The following SS18L1 variants were observed in gnomAD, a reference collection of about 807,000 sequenced individuals.
SS18L1 encodes the protein calcium-responsive transactivator.
A neutral mutation model predicts 70.3 loss-of-function variants in SS18L1; 32 were observed. The ratio of observed to expected loss-of-function variants is 0.46; its 90% CI spans 0.34 to 0.61. The LOEUF is 0.61. SS18L1 is among the 20% of genes least tolerant of loss of function. The pLI is 0.01. For synonymous variants in SS18L1, 237 were observed against 229.7 expected, an observed-to-expected ratio of 1.03 and a Z score of -0.29; for missense variants, 430 against 542.1, an observed-to-expected ratio of 0.79 and a Z score of 2.05.
chr20:62,174,597 C>A lies in SS18L1; in HGVS notation c.1117C>A (p.Gln373Lys). 1 of 1,613,762 alleles carries A rather than the reference C, an allele frequency of 6.2e-7. No individual in the cohort carries two copies. Among genetic ancestry groups the A allele is most frequent in the Non-Finnish European group, 8.5e-7 (1 of 1,180,046 alleles). ...GCAGTACGGAAGCTACCGAGCACCG[C>A]AGACAGCGCCGTCTGCCCAGCAGCA... ...GQQYGSYRAP[Q>K]TAPSAQQQRP... is the part of the protein sequence containing the mutation. The change falls in exon 10 of 11, where the codon CAG (glutamine) becomes AAG (lysine). Residue 373 changes from glutamine (Q) to lysine (K), a missense_variant. By Grantham distance (53) the Gln-to-Lys change is moderately conservative (BLOSUM62 1). Transcript: ENST00000331758. The surrounding 1 kb of genome is among the most constrained non-coding windows in gnomAD (Gnocchi z 4.1).
At chr20:62,169,064 G>C (rs145984758) in intron 8 of SS18L1, among the ~76,000 whole-genome samples, 1 of 152,196 alleles carries the variant, frequency 6.6e-6, no homozygotes, top group Non-Finnish European at 1.5e-5. Flanking sequence ...GGTGCTCGGT[G>C]GGGGAGGGGC....
intron 1 of SS18L1, chr20:62,154,300 A>G (rs1259693104): frequency 2.9e-6 from 3 of 1,037,390 alleles, no homozygotes; most frequent in East Asian, 5.8e-5. Flanking sequence ...AATGCCGGCC[A>G]GTCATCGAGT....
At chr20:62,156,624 G>A (rs560958316) in intron 1 of SS18L1, among the ~76,000 whole-genome samples, 9 of 152,356 alleles carry the variant, frequency 5.9e-5, no homozygotes, top group Admixed American at 2.0e-4. Context: ...CTGTGGGTCC[G>A]GGCTCTGCCC....
chr20:62,171,711 A>G (rs1053134729), intron 8 of SS18L1, among the ~76,000 whole-genome samples: 1 of 152,218 alleles, frequency 6.6e-6, no homozygotes, highest in Non-Finnish European at 1.5e-5. Flanking sequence ...CCAACCAGAA[A>G]AGTAAAGTAG....
Position 62,161,330 on chromosome 20 carries a change from A to G in SS18L1, c.232-106A>G. The stretch of plus-strand genomic sequence containing the variant: ...TACGAACATTGACCAGGTGGCCATG[A>G]TGTGTGGCGGCAAATCTCGGGTGCC... On this transcript the variant is annotated intron_variant, in intron 3 of 10. Coordinates refer to ENST00000331758, the MANE Select transcript of SS18L1 (RefSeq NM_198935.3). The surrounding 1 kb of genome is among the most constrained non-coding windows in gnomAD (Gnocchi z 4.4). 1 of 1,510,632 alleles carries G rather than the reference A, an allele frequency of 6.6e-7. No homozygotes were observed. Among genetic ancestry groups the G allele is most frequent in the African/African-American group, 1.4e-5 (1 of 72,434 alleles). The allele number at this position is 1,510,632 out of a possible 1,614,324, so 93.6% of individuals were successfully genotyped here.
At chr20:62,163,696 T>G in intron 6 of SS18L1, 74 bp downstream of exon 6, 3 of 1,447,444 alleles carry the variant, frequency 2.1e-6, no homozygotes, top group South Asian at 1.4e-5. Context: ...TGTGTGTGCT[T>G]CTCTTCGGGG....
At chr20:62,179,094 TCCTACC>T in intron 10 of SS18L1, 82 bp from the exon 11 acceptor site, 1 of 1,467,040 alleles carries the variant, frequency 6.8e-7, no homozygotes, top group Non-Finnish European at 9.5e-7. Context: ...CTGTTGTCCC[TCCTACC>T]CCCTGTCCGG....
At position 62,174,896 on chromosome 20, in the gene SS18L1, A is replaced by G. The variant is rs1205247149; in HGVS notation, c.1164+252A>G. 6.1e-6 allele frequency: 6 copies of G among 985,398 alleles called. No homozygotes were observed. The highest frequency in any genetic ancestry group is 7.2e-6 in the Non-Finnish European group (6 of 829,926). 61.0% of individuals were successfully genotyped at this position (985,398 alleles called of 1,614,324 possible). On this transcript the variant is annotated intron_variant, in intron 10 of 10. Transcript: ENST00000331758. The surrounding 1 kb of genome is among the most constrained non-coding windows in gnomAD (Gnocchi z 4.1). Reference sequence around the variant, plus strand: ...ATCTGCACGCCTGGTTCTCACATTCATTCACTCTGCCAGTGTTTGTCACGT... The same window carrying G: ...ATCTGCACGCCTGGTTCTCACATTCGTTCACTCTGCCAGTGTTTGTCACGT...
chr20:62,150,741 C>T (rs1359238463), intron 1 of SS18L1, among the ~76,000 whole-genome samples: 1 of 136,654 alleles, frequency 7.3e-6, no homozygotes, highest in Non-Finnish European at 1.5e-5. Context: ...CAGCCTTGTC[C>T]TCCTGGGCTC....
chr20:62,143,797 C>G lies in SS18L1; in HGVS notation c.-24C>G, dbSNP rs2056966951. The G allele has an allele frequency of 3.0e-6, 4 of 1,348,318 alleles. No individual in the cohort carries two copies. The highest frequency in any genetic ancestry group is 2.2e-5 in the Admixed American group (1 of 44,824). The allele number at this position is 1,348,318 out of a possible 1,614,324, so 83.5% of individuals were successfully genotyped here. ...GCCGGAGTATCCACCTCGATGACCA[C>G]GGGCTGAGCCCCGCGCCGCCACCAT... is the stretch of plus-strand genomic sequence containing the variant. On this transcript the variant is annotated 5_prime_UTR_variant, in exon 1 of 11. Transcript: ENST00000331758.
rs2057320156 is a variant in SS18L1 at position 62,161,045 on chromosome 20, C to T, written c.232-391C>T. Among the ~76,000 whole-genome samples the T allele has an allele frequency of 6.6e-6, 1 of 151,736 alleles. No individual in the cohort carries two copies. Among genetic ancestry groups the T allele is most frequent in the Non-Finnish European group, 1.5e-5 (1 of 67,976 alleles). On this transcript the variant is annotated intron_variant, in intron 3 of 10. Transcript: ENST00000331758. This position sits in a 1 kb window ranked among gnomAD's most constrained non-coding sequence, Gnocchi z 4.4. ...GAGGGATCCCACCTCTGCCGAAGCT[C>T]TTGGCACGGAGGGGTCGTGGTTGGG...
intron 8 of SS18L1, among the ~76,000 whole-genome samples, chr20:62,167,621 G>T (rs2057458866): frequency 6.6e-6 from 1 of 152,114 alleles, no homozygotes; most frequent in Non-Finnish European, 1.5e-5. Flanking sequence ...TGGCTGCAGT[G>T]GTGCCTCCGT....
intron 1 of SS18L1, among the ~76,000 whole-genome samples, chr20:62,155,678 A>G (rs868834008): frequency 4.0e-5 from 6 of 151,866 alleles, no homozygotes; most frequent in African/African-American, 7.3e-5. Flanking sequence ...CCCTCCTCCA[A>G]CCCCATCTCC....
chr20:62,149,265 G>A (rs1039277522), intron 1 of SS18L1, among the ~76,000 whole-genome samples: 2 of 152,266 alleles, frequency 1.3e-5, no homozygotes, highest in African/African-American at 2.4e-5. Flanking sequence ...TGGGAAGAGG[G>A]AGTGCAGGTC....
chr20:62,170,368 T>G (rs1016265114), intron 8 of SS18L1, among the ~76,000 whole-genome samples: 1 of 152,126 alleles, frequency 6.6e-6, no homozygotes, highest in Non-Finnish European at 1.5e-5. Flanking sequence ...TAGCTGGGCG[T>G]GGTGGCGGGC....
At chr20:62,164,042 G>A in intron 6 of SS18L1, 103 bp from the exon 7 acceptor site, 1 of 982,010 alleles carries the variant, frequency 1.0e-6, no homozygotes, top group South Asian at 1.6e-5. Flanking sequence ...TCCTCGGGTG[G>A]GTGAGGCCAT....
rs201677304 is a variant in SS18L1, at chr20:62,154,916, ACTC to A, written c.70-3749_70-3747del. On this transcript the variant is annotated intron_variant, in intron 1 of 10. Transcript: ENST00000331758. ...CGGTCGATCCGTCCTGCTTTCCAGG[ACTC>A]CTCCTCAACTTCATATCCCGCCCCT... Among the ~76,000 whole-genome samples, 614 of 151,238 alleles carry A rather than the reference ACTC, an allele frequency of 4.1e-3. 3 individuals carry two copies. Among genetic ancestry groups the A allele is most frequent in the Non-Finnish European group, 6.9e-3 (470 of 67,754 alleles).
At chr20:62,144,480 C>T (rs968679244) in intron 1 of SS18L1, among the ~76,000 whole-genome samples, 1 of 152,238 alleles carries the variant, frequency 6.6e-6, no homozygotes, top group East Asian at 1.9e-4. Context: ...GGACGCGTCC[C>T]GATCCCCATT....
At position 62,168,970 on chromosome 20, in the gene SS18L1, G is replaced by A. The variant is rs544658088; in HGVS notation, c.916+3456G>A. ...CATGCGCAGGGCACCAGTAATAGGA[G>A]GGGACCAGAGTGGGGCTGACCAAGC... is the stretch of plus-strand genomic sequence containing the variant. On this transcript the variant is annotated intron_variant, in intron 8 of 10. Transcript: ENST00000331758. 6.5e-4 allele frequency among the ~76,000 whole-genome samples: 99 copies of A among 152,294 alleles called. 1 individual carries two copies. The South Asian group carries it at 0.019, about 30-fold the overall frequency.
Sources: gnomAD v4.1 joint callset for allele counts (sites outside exome capture counted in the v4.1 genomes callset) on GRCh38, gnomAD v4.1.1 for gene constraint, Gnocchi (gnomAD v3.1) non-coding constraint, MANE v1.5 for transcripts, NCBI Gene and HGNC (gene_info 2026-07-23, HGNC 2026-07-21) for gene names.